The following RPS13 variants were observed in gnomAD, a reference collection of about 807,000 sequenced individuals.
RPS13 encodes the protein ribosomal protein S13.
Under a neutral mutation model 24.6 loss-of-function variants are expected in RPS13, and 1 was observed. The observed-to-expected ratio is 0.04, with a 90% confidence interval of 0.01 to 0.19. The LOEUF is 0.19. Ranked by LOEUF, RPS13 falls within the 10% of genes least tolerant of loss-of-function variation. RPS13 has a pLI of 1.00. For synonymous variants in RPS13, 69 were observed against 65.3 expected, an observed-to-expected ratio of 1.06 and a Z score of -0.27; for missense variants, 88 against 187.4, an observed-to-expected ratio of 0.47 and a Z score of 3.10.
intron 3 of RPS13, chr11:17,076,844 G>C (rs1848031517): frequency 4.6e-6 from 2 of 435,692 alleles, no homozygotes; most frequent in Non-Finnish European, 8.4e-6. Context: ...ACACCTAACT[G>C]TGAGGAACTG....
chr11:17,076,463 G>A lies in RPS13; in HGVS notation c.151+705C>T, dbSNP rs991727018. The A allele has an allele frequency of 1.6e-4, 55 of 338,454 alleles. No individual in the cohort carries two copies. The Admixed American group carries it at 2.1e-3, about 13-fold the overall frequency. 21.0% of individuals were successfully genotyped at this position (338,454 alleles called of 1,614,324 possible). On this transcript the variant is annotated intron_variant, in intron 3 of 5. Transcript: ENST00000525634. ...CCCACCTATTCGGGAGGCTGAGGCAGGAGAATCGCTTGAATCCAGGAGGTG... is the reference window on the plus strand; with the variant it reads ...CCCACCTATTCGGGAGGCTGAGGCAAGAGAATCGCTTGAATCCAGGAGGTG...
intron 3 of RPS13, chr11:17,076,832 C>A (rs532547507): frequency 4.1e-5 from 17 of 411,510 alleles, no homozygotes; most frequent in Admixed American, 1.9e-4. Flanking sequence ...GAGATTCAAA[C>A]CACACCTAAC....
In RPS13 at chr11:17,077,455, A is replaced by G. The variant is rs770455283; in HGVS notation, c.46T>C (p.Leu16=). The change falls in exon 2 of 6, where the codon TTA becomes CTA. Residue 16 remains leucine, a synonymous_variant. Coordinates refer to ENST00000525634, the MANE Select transcript of RPS13 (RefSeq NM_001017.3). ...APGKGLSQSA[L]PYRRSVPTWL... ...GTGGGGACGCTGCGTCGATAGGGTA[A>G]AGCCGACTGGGACAGGCCCTTCCTG... 1 of 1,613,264 alleles carries G rather than the reference A, an allele frequency of 6.2e-7. No homozygotes were observed. The highest frequency in any genetic ancestry group is 8.5e-7 in the Non-Finnish European group (1 of 1,179,770).
Position 17,077,198 on chromosome 11 carries a change from C to A in RPS13, c.121G>T (p.Ala41Ser). The A allele has an allele frequency of 3.7e-6, 6 of 1,613,756 alleles. No homozygotes were observed. The highest frequency in any genetic ancestry group is 5.1e-6 in the Non-Finnish European group (6 of 1,179,806). Residue 41 changes from alanine (A) to serine (S), a missense_variant, in exon 3 of 6, where the codon GCC becomes TCC. Coordinates refer to ENST00000525634, the MANE Select transcript of RPS13 (RefSeq NM_001017.3). ...TGTGAAGGAGTAAGGCCCTTCTTGG[C>A]CAGTTTGTAAATCTGCTCCTTCACG... ...DDVKEQIYKL[A>S]KKGLTPSQIG...
intron 3 of RPS13, 32 bp downstream of exon 3, chr11:17,077,136 C>G: frequency 6.5e-7 from 1 of 1,527,094 alleles, no homozygotes; most frequent in Non-Finnish European, 9.1e-7. Context: ...CGAGGACAGG[C>G]GAAATAGGCT....
Position 17,074,480 on chromosome 11 carries a change from A to G in RPS13, c.423-14T>C. ...GTAGATGATTCACTGAAAAAGAAAA[A>G]AGGGGAAAGAAAGAAAATCAGGATT... On this transcript the variant is annotated splice_polypyrimidine_tract_variant and intron_variant, in intron 5 of 5. Coordinates refer to ENST00000525634, the MANE Select transcript of RPS13 (RefSeq NM_001017.3). 1.2e-6 allele frequency: 2 copies of G among 1,607,606 alleles called. No individual in the cohort carries two copies. Among genetic ancestry groups the G allele is most frequent in the Non-Finnish European group, 1.7e-6 (2 of 1,174,486 alleles).
In RPS13 at chr11:17,075,132, A is replaced by G. The variant is rs750817534; in HGVS notation, c.387T>C (p.Tyr129=). 1.9e-6 allele frequency: 3 copies of G among 1,611,972 alleles called. No individual in the cohort carries two copies. The highest frequency in any genetic ancestry group is 2.5e-6 in the Non-Finnish European group (3 of 1,179,358). Residue 129 remains tyrosine, a synonymous_variant, in exon 5 of 6, where the codon TAT becomes TAC. Coordinates refer to ENST00000525634, the MANE Select transcript of RPS13 (RefSeq NM_001017.3). ...ESRIHRLARY[Y]KTKRVLPPNW... is the part of the protein sequence containing the mutation. The stretch of plus-strand genomic sequence containing the variant: ...TGGGAGGGAGGACTCGCTTGGTCTT[A>G]TAATATCGAGCCAAACGGTGAATCC...
chr11:17,075,901 A>C, intron 3 of RPS13: 1 of 547,772 alleles, frequency 1.8e-6, no homozygotes, highest in Non-Finnish European at 3.4e-6. Context: ...AAAGGGATTA[A>C]TGAGATTCCA....
chr11:17,076,386 T>A lies in RPS13; in HGVS notation c.152-763A>T, dbSNP rs188969800. On this transcript the variant is annotated intron_variant, in intron 3 of 5. Coordinates refer to ENST00000525634, the MANE Select transcript of RPS13 (RefSeq NM_001017.3). Reference sequence around the variant, plus strand: ...GCCTGGGTGACAAAGTGAGAATCGGTCTCAAACAAAAACACACAAATTAGC... The same window carrying A: ...GCCTGGGTGACAAAGTGAGAATCGGACTCAAACAAAAACACACAAATTAGC... 70 of 298,160 alleles carry A rather than the reference T, an allele frequency of 2.3e-4. 1 individual carries two copies. In the Admixed American group the frequency reaches 3.1e-3, roughly 13 times the overall value. The allele number at this position is 298,160 out of a possible 1,614,324, so 18.5% of individuals were successfully genotyped here.
intron 5 of RPS13, chr11:17,074,887 A>T: frequency 1.7e-6 from 1 of 604,134 alleles, no homozygotes; most frequent in South Asian, 2.0e-5. Flanking sequence ...TGTCTTTATT[A>T]AAGACAAGCA....
intron 3 of RPS13, 73 bp downstream of exon 3, chr11:17,077,095 C>T: frequency 8.6e-7 from 1 of 1,169,098 alleles, no homozygotes; most frequent in South Asian, 1.2e-5. Flanking sequence ...TTTAAAATAA[C>T]TTTACCACCT....
At chr11:17,074,510 C>A in intron 5 of RPS13, 44 bp from the exon 6 acceptor site, 1 of 1,440,146 alleles carries the variant, frequency 6.9e-7, no homozygotes, top group South Asian at 1.2e-5. Flanking sequence ...AGGATTAATA[C>A]TAGTCCCTCC....
At chr11:17,076,910 T>C (rs943029457) in intron 3 of RPS13, 3 of 527,068 alleles carry the variant, frequency 5.7e-6, no homozygotes, top group African/African-American at 1.9e-5. Flanking sequence ...CTGTGTGATT[T>C]GGGGCTGGTT....
chr11:17,074,471 A>G lies in RPS13; in HGVS notation c.423-5T>C, dbSNP rs1847994399. 1 of 1,610,352 alleles carries G rather than the reference A, an allele frequency of 6.2e-7. No homozygotes were observed. The highest frequency in any genetic ancestry group is 1.1e-5 in the South Asian group (1 of 90,868). On this transcript the variant is annotated splice_region_variant and splice_polypyrimidine_tract_variant and intron_variant, in intron 5 of 5. Coordinates refer to ENST00000525634, the MANE Select transcript of RPS13 (RefSeq NM_001017.3). ...GCAGAGGCTGTAGATGATTCACTGAAAAAGAAAAAAGGGGAAAGAAAGAAA... is the reference window on the plus strand; with the variant it reads ...GCAGAGGCTGTAGATGATTCACTGAGAAAGAAAAAAGGGGAAAGAAAGAAA...
chr11:17,077,583 C>A (rs778427508), intron 1 of RPS13, 36 bp downstream of exon 1: 1 of 575,072 alleles, frequency 1.7e-6, no homozygotes. Context: ...CCTCCCACCC[C>A]CCGCCCAGCA....
intron 5 of RPS13, chr11:17,074,870 C>T: frequency 1.7e-6 from 1 of 604,966 alleles, no homozygotes; most frequent in Non-Finnish European, 2.9e-6. Context: ...AACTATGGCC[C>T]TCTGCTTGTC....
rs779605869 is a variant in RPS13 at position 17,074,472 on chromosome 11, A to G, written c.423-6T>C. The G allele has an allele frequency of 4.3e-6, 7 of 1,610,280 alleles. No homozygotes were observed. The highest frequency in any genetic ancestry group is 5.9e-6 in the Non-Finnish European group (7 of 1,176,964). Reference sequence around the variant, plus strand: ...CAGAGGCTGTAGATGATTCACTGAAAAAGAAAAAAGGGGAAAGAAAGAAAA... The same window carrying G: ...CAGAGGCTGTAGATGATTCACTGAAGAAGAAAAAAGGGGAAAGAAAGAAAA... On this transcript the variant is annotated splice_region_variant and splice_polypyrimidine_tract_variant and intron_variant, in intron 5 of 5. Transcript: ENST00000525634.
intron 5 of RPS13, 45 bp from the exon 6 acceptor site, chr11:17,074,511 T>C (rs1267660794): frequency 2.1e-6 from 3 of 1,437,198 alleles, no homozygotes; most frequent in Non-Finnish European, 2.9e-6. Context: ...GGATTAATAC[T>C]AGTCCCTCCA....
At position 17,075,627 on chromosome 11, in the gene RPS13, A is replaced by T. The variant is rs1848013641; in HGVS notation, c.152-4T>A. The stretch of plus-strand genomic sequence containing the variant: ...TGTGAATCTCTCAGGATTACACCTG[A>T]AAAGGGAATCACGTTTTAACTTTCA... On this transcript the variant is annotated splice_polypyrimidine_tract_variant and splice_region_variant and intron_variant, in intron 3 of 5. Transcript: ENST00000525634. The T allele has an allele frequency of 2.8e-5, 45 of 1,590,110 alleles. No individual in the cohort carries two copies. Among genetic ancestry groups the T allele is most frequent in the Non-Finnish European group, 3.7e-5 (43 of 1,172,062 alleles).
Sources: gnomAD v4.1 joint callset for allele counts on GRCh38, gnomAD v4.1.1 for gene constraint, MANE v1.5 for transcripts, NCBI Gene and HGNC (gene_info 2026-07-23, HGNC 2026-07-21) for gene names.